Variants in DDAH1 observed in about 807,000 individuals in gnomAD.
DDAH1 encodes the protein dimethylarginine dimethylaminohydrolase 1, also known as N(G),N(G)-dimethylarginine dimethylaminohydrolase 1.
Under a neutral mutation model 28.8 loss-of-function variants are expected in DDAH1, and 19 were observed. The observed-to-expected ratio is 0.66, with a 90% CI of 0.46 to 0.97. The LOEUF (loss-of-function observed/expected upper bound fraction) is 0.97. Ranked by LOEUF, DDAH1 falls within the 50% of genes least tolerant of loss-of-function variation. The pLI, the probability that DDAH1 is intolerant of heterozygous loss-of-function variation, is 0.00. For missense variants in DDAH1, 326 were observed against 375.9 expected, an observed-to-expected ratio of 0.87 and a Z score of 1.10; for synonymous variants, 153 against 154.4, an observed-to-expected ratio of 0.99 and a Z score of 0.07.
chr1:85,394,936 T>A (rs1001358051), intron 1 of DDAH1, among the ~76,000 whole-genome samples: 1 of 152,184 alleles, frequency 6.6e-6, no homozygotes, highest in African/African-American at 2.4e-5. Flanking sequence ...TGTGTTGTTA[T>A]AAAACGTTGG....
intron 1 of DDAH1, among the ~76,000 whole-genome samples, chr1:85,506,135 G>A (rs939347555): frequency 6.6e-6 from 1 of 152,204 alleles, no homozygotes; most frequent in African/African-American, 2.4e-5. Flanking sequence ...ATGAATGGCT[G>A]AGGTGCACTA....
intron 2 of DDAH1, among the ~76,000 whole-genome samples, chr1:85,475,966 C>T (rs545811774): frequency 1.1e-3 from 175 of 152,316 alleles, no homozygotes; most frequent in Non-Finnish European, 2.2e-3. Context: ...ATTCTCCCAC[C>T]TTAGTCTCCT....
chr1:85,463,815 T>C (rs2100692948), intron 1 of DDAH1, among the ~76,000 whole-genome samples: 1 of 152,044 alleles, frequency 6.6e-6, no homozygotes, highest in South Asian at 2.1e-4. Flanking sequence ...AGCAACGGAG[T>C]CTTGAGCCTG....
At chr1:85,555,486 A>T (rs11161637) in intron 1 of DDAH1, among the ~76,000 whole-genome samples, 1 of 151,980 alleles carries the variant, frequency 6.6e-6, no homozygotes, top group Non-Finnish European at 1.5e-5. Flanking sequence ...TCTGCCAAAA[A>T]TTCCTTCAAG....
intron 2 of DDAH1, among the ~76,000 whole-genome samples, chr1:85,474,192 T>A (rs1344477481): frequency 3.3e-5 from 5 of 152,222 alleles, no homozygotes; most frequent in African/African-American, 1.2e-4. Context: ...CACCCATGTC[T>A]CTTCATCCAC....
chr1:85,436,027 C>T (rs185841718), intron 1 of DDAH1, among the ~76,000 whole-genome samples: 1 of 152,080 alleles, frequency 6.6e-6, no homozygotes, highest in African/African-American at 2.4e-5. Context: ...TCTCGAACTC[C>T]TGACCTCAAG....
At chr1:85,500,180 CCTT>C (rs1656770187) in intron 1 of DDAH1, among the ~76,000 whole-genome samples, 1 of 135,648 alleles carries the variant, frequency 7.4e-6, no homozygotes, top group Non-Finnish European at 1.5e-5. Flanking sequence ...TTCCTTCCTT[CCTT>C]CATCTTTTCT....
At chr1:85,425,828 G>A (rs1653367930) in intron 1 of DDAH1, among the ~76,000 whole-genome samples, 1 of 152,154 alleles carries the variant, frequency 6.6e-6, no homozygotes, top group Non-Finnish European at 1.5e-5. Flanking sequence ...TTAGCTGAGT[G>A]ACTTTGGTTA....
At chr1:85,364,360 T>C (rs1649949889) in intron 1 of DDAH1, among the ~76,000 whole-genome samples, 2 of 152,148 alleles carry the variant, frequency 1.3e-5, no homozygotes, top group South Asian at 2.1e-4. Context: ...GAAATTTCTG[T>C]ATATTAGGGC....
At chr1:85,480,823 AAGAGT>A (rs1295965400) in intron 2 of DDAH1, among the ~76,000 whole-genome samples, 2 of 151,904 alleles carry the variant, frequency 1.3e-5, no homozygotes, top group African/African-American at 4.8e-5. Flanking sequence ...CCTATAATAA[AAGAGT>A]AGTTAAATAA....
chr1:85,452,076 T>G (rs952748761), intron 1 of DDAH1, among the ~76,000 whole-genome samples: 5 of 152,142 alleles, frequency 3.3e-5, no homozygotes, highest in African/African-American at 9.7e-5. Flanking sequence ...TTCCTTCTCT[T>G]CCTCGCCATC....
chr1:85,408,521 A>G (rs542054097), intron 1 of DDAH1, among the ~76,000 whole-genome samples: 1 of 152,306 alleles, frequency 6.6e-6, no homozygotes, highest in South Asian at 2.1e-4. Flanking sequence ...TTTACAAAAA[A>G]AGTACTTCTT....
chr1:85,384,399 A>G (rs770330695), intron 1 of DDAH1, among the ~76,000 whole-genome samples: 2 of 152,152 alleles, frequency 1.3e-5, no homozygotes, highest in Non-Finnish European at 2.9e-5. Flanking sequence ...CCTCAATTTG[A>G]TAAGACCAGT....
At chr1:85,570,581 T>C (rs1291184828) in intron 1 of DDAH1, among the ~76,000 whole-genome samples, 1 of 152,242 alleles carries the variant, frequency 6.6e-6, no homozygotes, top group East Asian at 1.9e-4. Flanking sequence ...TACTGCACCA[T>C]TTCCTCTGGA....
chr1:85,443,765 T>C (rs1459725736), intron 1 of DDAH1, among the ~76,000 whole-genome samples: 3 of 152,198 alleles, frequency 2.0e-5, no homozygotes, highest in East Asian at 3.8e-4. Context: ...TATTTTACTC[T>C]CTTTGAAGCA....
At chr1:85,369,653 T>G (rs1470950052) in intron 1 of DDAH1, among the ~76,000 whole-genome samples, 2 of 152,214 alleles carry the variant, frequency 1.3e-5, no homozygotes, top group East Asian at 3.9e-4. Flanking sequence ...TACCTGGCAC[T>G]ATTCTAGGTT....
intron 4 of DDAH1, among the ~76,000 whole-genome samples, chr1:85,337,415 C>G (rs377721062): frequency 3.9e-5 from 6 of 151,986 alleles, no homozygotes. Flanking sequence ...CCATTTAAAA[C>G]TGTAATTTTA....
chr1:85,543,725 T>C (rs959214077), intron 1 of DDAH1, among the ~76,000 whole-genome samples: 3 of 152,212 alleles, frequency 2.0e-5, no homozygotes, highest in African/African-American at 7.2e-5. Flanking sequence ...ATGGGTTTTA[T>C]CCATATACAT....
intron 1 of DDAH1, among the ~76,000 whole-genome samples, chr1:85,374,203 C>G (rs1650535274): frequency 6.6e-6 from 1 of 152,136 alleles, no homozygotes; most frequent in South Asian, 2.1e-4. Context: ...TCTACTCCAT[C>G]CAGGCTCTCA....
Sources: allele counts gnomAD v4.1 joint callset (sites outside exome capture counted in the v4.1 genomes callset), GRCh38; gene constraint gnomAD v4.1.1; transcripts MANE v1.5; gene names NCBI Gene and HGNC (gene_info 2026-07-23, HGNC 2026-07-21).